The following ARL15 variants were observed in gnomAD, a reference collection of about 807,000 sequenced individuals.
The protein encoded by ARL15 is ADP-ribosylation factor-like protein 15.
ARL15 carries 19 observed loss-of-function variants against 25.2 expected under a neutral mutation model. That is an observed-to-expected ratio of 0.75 (90% CI 0.53 to 1.10). ARL15 has a LOEUF of 1.10. ARL15 is among the 50% of genes least tolerant of loss of function. ARL15 has a pLI of 0.00. For missense variants in ARL15, 220 were observed against 246.0 expected (o/e 0.89, Z 0.71); for synonymous variants, 94 against 86.8 (o/e 1.08, Z -0.46).
At chr5:53,956,497 G>T (rs1260902143) in intron 4 of ARL15, among the ~76,000 whole-genome samples, 3 of 150,376 alleles carry the variant, frequency 2.0e-5, no homozygotes, top group Non-Finnish European at 3.0e-5. Flanking sequence ...GAAATTAATA[G>T]AAATTTCACA....
chr5:54,172,896 A>G (rs1754762817), intron 1 of ARL15, among the ~76,000 whole-genome samples: 1 of 152,194 alleles, frequency 6.6e-6, no homozygotes, highest in South Asian at 2.1e-4. Context: ...TATGAACTGT[A>G]GTATAGTTTG....
chr5:53,917,003 T>C (rs1389512788), intron 4 of ARL15, among the ~76,000 whole-genome samples: 11 of 152,220 alleles, frequency 7.2e-5, no homozygotes, highest in Admixed American at 7.2e-4. Context: ...TACTCTGGAC[T>C]CAATATTCTA....
At chr5:54,024,463 C>G (rs982581521) in intron 4 of ARL15, among the ~76,000 whole-genome samples, 8 of 152,006 alleles carry the variant, frequency 5.3e-5, no homozygotes, top group African/African-American at 1.5e-4. Context: ...TGTATAAAAA[C>G]TTAGTAAAAA....
intron 1 of ARL15, among the ~76,000 whole-genome samples, chr5:54,306,667 G>A (rs888929139): frequency 1.3e-5 from 2 of 152,032 alleles, no homozygotes; most frequent in South Asian, 2.1e-4. Context: ...CTGGGATTAC[G>A]GGCGTGAGCC....
chr5:54,288,583 T>C (rs1561296710), intron 1 of ARL15, among the ~76,000 whole-genome samples: 1 of 152,216 alleles, frequency 6.6e-6, no homozygotes, highest in Non-Finnish European at 1.5e-5. Context: ...CTTTTGGACG[T>C]GGGGGCCAAA....
intron 4 of ARL15, among the ~76,000 whole-genome samples, chr5:54,041,787 T>G (rs1260316181): frequency 6.6e-6 from 1 of 152,136 alleles, no homozygotes; most frequent in Non-Finnish European, 1.5e-5. Flanking sequence ...AATCTGAAAT[T>G]GACGCCCCAG....
chr5:54,260,332 A>G (rs16882546), intron 1 of ARL15, among the ~76,000 whole-genome samples: 10,264 of 152,254 alleles, frequency 0.067, 437 homozygotes, highest in African/African-American at 0.11. Context: ...AACCATTATC[A>G]TAACAATTAC....
intron 1 of ARL15, among the ~76,000 whole-genome samples, chr5:54,212,643 C>T (rs573194855): frequency 3.3e-5 from 5 of 152,280 alleles, no homozygotes; most frequent in African/African-American, 1.2e-4. Flanking sequence ...GTACAATGAA[C>T]AGTGTTTGTC....
chr5:54,238,062 A>G (rs1170934532), intron 1 of ARL15, among the ~76,000 whole-genome samples: 1 of 152,226 alleles, frequency 6.6e-6, no homozygotes, highest in East Asian at 1.9e-4. Context: ...AAGAGCATTC[A>G]AAGGATGAAG....
At chr5:53,974,954 A>G (rs2112195086) in intron 4 of ARL15, among the ~76,000 whole-genome samples, 1 of 152,246 alleles carries the variant, frequency 6.6e-6, no homozygotes, top group African/African-American at 2.4e-5. Context: ...GCAACAGTAT[A>G]AAAAGTCTTC....
rs549453796 is a variant in ARL15 at position 54,210,071 on chromosome 5, T to C, written c.49-38143A>G. Among the ~76,000 whole-genome samples the C allele has an allele frequency of 3.3e-4, 50 of 152,288 alleles. No homozygotes were observed. The South Asian group carries it at 7.2e-3, about 22-fold the overall frequency. On this transcript the variant is annotated intron_variant, in intron 1 of 4. Coordinates refer to ENST00000504924, the MANE Select transcript of ARL15 (RefSeq NM_019087.3). ...GTCCTAATATTTGGCTTGAATACAA[T>C]GCCAACTTTTTTTTCCTTAATGTCT...
intron 1 of ARL15, among the ~76,000 whole-genome samples, chr5:54,216,653 A>C (rs549649031): frequency 2.1e-4 from 32 of 152,108 alleles, no homozygotes; most frequent in East Asian, 5.8e-4. Context: ...ACACACACAC[A>C]CCTAATTAAA....
chr5:53,953,410 T>C (rs1261403433), intron 4 of ARL15, among the ~76,000 whole-genome samples: 1 of 152,260 alleles, frequency 6.6e-6, no homozygotes, highest in Non-Finnish European at 1.5e-5. Context: ...TTTCTATAAA[T>C]AAGTGAACTT....
At chr5:53,970,774 T>C (rs2112181261) in intron 4 of ARL15, among the ~76,000 whole-genome samples, 1 of 152,358 alleles carries the variant, frequency 6.6e-6, no homozygotes, top group East Asian at 1.9e-4. Context: ...AAAGTTATTA[T>C]AACTAGTTTC....
At chr5:54,091,145 A>G (rs909633669) in intron 4 of ARL15, among the ~76,000 whole-genome samples, 14 of 152,182 alleles carry the variant, frequency 9.2e-5, no homozygotes, top group Non-Finnish European at 2.1e-4. Context: ...CACACTTTGG[A>G]AATCTAAAAG....
chr5:54,298,902 T>TG (rs397712673), intron 1 of ARL15, among the ~76,000 whole-genome samples: 9 of 151,176 alleles, frequency 6.0e-5, no homozygotes, highest in Non-Finnish European at 1.3e-4. Flanking sequence ...GGTTTTTTTT[T>TG]CCTTTGCATT....
intron 3 of ARL15, among the ~76,000 whole-genome samples, chr5:54,150,380 G>C (rs1754032006): frequency 6.6e-6 from 1 of 152,210 alleles, no homozygotes; most frequent in Non-Finnish European, 1.5e-5. Flanking sequence ...GCAAGAGTTT[G>C]ACTTGAAAGA....
At chr5:53,988,812 A>G (rs1748386665) in intron 4 of ARL15, among the ~76,000 whole-genome samples, 1 of 152,198 alleles carries the variant, frequency 6.6e-6, no homozygotes, top group South Asian at 2.1e-4. Flanking sequence ...CTAGAATTCT[A>G]AGTACTACCA....
At chr5:54,051,780 C>G (rs141977616) in intron 4 of ARL15, among the ~76,000 whole-genome samples, 1 of 152,172 alleles carries the variant, frequency 6.6e-6, no homozygotes. Context: ...CCAACAATCA[C>G]GCTACTAGGT....
Sources: allele counts gnomAD v4.1 joint callset (sites outside exome capture counted in the v4.1 genomes callset), GRCh38; gene constraint gnomAD v4.1.1; transcripts MANE v1.5; gene names NCBI Gene and HGNC (gene_info 2026-07-23, HGNC 2026-07-21).